Variants in TBC1D5 observed in about 807,000 individuals in gnomAD.
The protein encoded by TBC1D5 is TBC1 domain family member 5, also known as TBC1 domain family, member 5.
In TBC1D5, 75 loss-of-function variants were observed where a neutral mutation model predicts 100.3. The ratio of observed to expected loss-of-function variants is 0.75; its 90% CI spans 0.62 to 0.91. The LOEUF (loss-of-function observed/expected upper bound fraction) is 0.91, where lower values mean the gene tolerates loss of function less well. Among genes scored for constraint, TBC1D5 ranks in the 40% least tolerant of loss-of-function variants. TBC1D5 has a pLI of 0.00. For missense variants in TBC1D5, 910 were observed against 942.4 expected (o/e 0.97, Z 0.45); for synonymous variants, 323 against 325.6 (o/e 0.99, Z 0.09).
chr3:17,462,659 G>T (rs766148490), intron 3 of TBC1D5, among the ~76,000 whole-genome samples: 1 of 151,740 alleles, frequency 6.6e-6, no homozygotes, highest in Non-Finnish European at 1.5e-5. Flanking sequence ...ACTTACTATG[G>T]CTCTAAAGGT....
chr3:17,469,775 T>C (rs1275804176), intron 3 of TBC1D5, among the ~76,000 whole-genome samples: 2 of 152,236 alleles, frequency 1.3e-5, no homozygotes, highest in Non-Finnish European at 2.9e-5. Flanking sequence ...ATTTGATGTA[T>C]TTTGCTGAAG....
chr3:17,727,568 G>A (rs577524714), intron 1 of TBC1D5, among the ~76,000 whole-genome samples: 3 of 152,142 alleles, frequency 2.0e-5, no homozygotes, highest in East Asian at 1.9e-4. Flanking sequence ...ATTGTTAATC[G>A]TCCACAAATC....
At chr3:17,742,317 GGCGGCT>G (rs1012045625), upstream of TBC1D5, among the ~76,000 whole-genome samples, 1 of 152,130 alleles carries the variant, frequency 6.6e-6, no homozygotes, top group Non-Finnish European at 1.5e-5. Flanking sequence ...AGAAGGCGGC[GGCGGCT>G]GCGGCTGCAG....
At chr3:17,402,321 G>C (rs1268891565) in intron 8 of TBC1D5, among the ~76,000 whole-genome samples, 1 of 152,110 alleles carries the variant, frequency 6.6e-6, no homozygotes, top group African/African-American at 2.4e-5. Flanking sequence ...AGGCAAAGCT[G>C]CAGAAGTACT....
At chr3:17,201,528 C>T (rs964701142) in intron 18 of TBC1D5, among the ~76,000 whole-genome samples, 1 of 152,136 alleles carries the variant, frequency 6.6e-6, no homozygotes, top group Non-Finnish European at 1.5e-5. Context: ...ATTTGTGTCC[C>T]TGCCCAAATC....
At chr3:17,728,439 T>C (rs992501580) in intron 1 of TBC1D5, among the ~76,000 whole-genome samples, 1 of 152,038 alleles carries the variant, frequency 6.6e-6, no homozygotes, top group African/African-American at 2.4e-5. Flanking sequence ...CCAAAAAAAA[T>C]TCATAAAGAG....
chr3:17,451,179 C>G (rs1001070752), intron 3 of TBC1D5, among the ~76,000 whole-genome samples: 17 of 152,134 alleles, frequency 1.1e-4, no homozygotes, highest in Non-Finnish European at 7.3e-5. Flanking sequence ...CAAGCAAATG[C>G]TGAGAGATTT....
At chr3:17,681,922 G>T (rs1035955795) in intron 1 of TBC1D5, among the ~76,000 whole-genome samples, 4 of 151,602 alleles carry the variant, frequency 2.6e-5, no homozygotes, top group Admixed American at 2.0e-4. Context: ...ATTCTCATAC[G>T]AATGCAAACC....
At chr3:17,700,745 G>A (rs1353956248) in intron 1 of TBC1D5, among the ~76,000 whole-genome samples, 1 of 152,114 alleles carries the variant, frequency 6.6e-6, no homozygotes. Flanking sequence ...ATCATCACTG[G>A]CCATCAGAGA....
chr3:17,415,961 C>T (rs944260960), intron 4 of TBC1D5, among the ~76,000 whole-genome samples: 1 of 152,044 alleles, frequency 6.6e-6, no homozygotes, highest in Non-Finnish European at 1.5e-5. Flanking sequence ...AAATATAAGC[C>T]AATACTGTAA....
At chr3:17,731,645 C>T (rs1442108362) in intron 1 of TBC1D5, among the ~76,000 whole-genome samples, 1 of 151,842 alleles carries the variant, frequency 6.6e-6, no homozygotes, top group Non-Finnish European at 1.5e-5. Flanking sequence ...AGTCAGAAGA[C>T]CTTACAGAAA....
At chr3:17,224,571 T>C (rs902072308) in intron 17 of TBC1D5, among the ~76,000 whole-genome samples, 2 of 152,168 alleles carry the variant, frequency 1.3e-5, no homozygotes, top group Non-Finnish European at 1.5e-5. Flanking sequence ...GGGGATACCA[T>C]GTTAGACAGC....
intron 1 of TBC1D5, among the ~76,000 whole-genome samples, chr3:17,653,246 T>C (rs1372309360): frequency 6.6e-6 from 1 of 152,106 alleles, no homozygotes; most frequent in Non-Finnish European, 1.5e-5. Context: ...GGTGGTAGAT[T>C]GCACAATTTT....
intron 1 of TBC1D5, among the ~76,000 whole-genome samples, chr3:17,653,378 G>GAT (rs2065766640): frequency 6.6e-6 from 1 of 152,132 alleles, no homozygotes; most frequent in Non-Finnish European, 1.5e-5. Flanking sequence ...CCACTGGTAT[G>GAT]ATACACTGAG....
intron 21 of TBC1D5, among the ~76,000 whole-genome samples, chr3:17,163,441 A>G (rs1343456330): frequency 1.3e-5 from 2 of 152,250 alleles, no homozygotes; most frequent in African/African-American, 4.8e-5. Context: ...CTTAACTGCT[A>G]TCTGGTGCCA....
chr3:17,370,982 T>TG (rs1204941767), intron 13 of TBC1D5, among the ~76,000 whole-genome samples: 3 of 152,142 alleles, frequency 2.0e-5, no homozygotes, highest in Non-Finnish European at 2.9e-5. Context: ...AGAACCCTTT[T>TG]GTCTGTAGCA....
chr3:17,508,300 G>A (rs1273633185), intron 3 of TBC1D5, among the ~76,000 whole-genome samples, 174 bp downstream of exon 3: 1 of 152,196 alleles, frequency 6.6e-6, no homozygotes. Context: ...GCTTGTTGAA[G>A]TATTCATTAG....
At chr3:17,404,063 A>G (rs1231709881) in intron 7 of TBC1D5, among the ~76,000 whole-genome samples, 1 of 152,146 alleles carries the variant, frequency 6.6e-6, no homozygotes, top group Non-Finnish European at 1.5e-5. Flanking sequence ...AAAATTACTT[A>G]ATATTTTATG....
intron 3 of TBC1D5, among the ~76,000 whole-genome samples, chr3:17,460,425 A>C (rs1367922329): frequency 2.0e-5 from 3 of 152,136 alleles, no homozygotes; most frequent in Non-Finnish European, 4.4e-5. Context: ...TAATGCTCAA[A>C]TGGTTATTAC....
Sources: allele counts gnomAD v4.1 joint callset (sites outside exome capture counted in the v4.1 genomes callset), GRCh38; gene constraint gnomAD v4.1.1; transcripts MANE v1.5; gene names NCBI Gene and HGNC (gene_info 2026-07-23, HGNC 2026-07-21).